The following SEPTIN4 variants were observed in gnomAD, a reference collection of about 807,000 sequenced individuals.
The protein encoded by SEPTIN4 is septin-4.
SEPTIN4 carries 52 observed loss-of-function variants against 107.1 expected under a neutral mutation model. That is an observed-to-expected ratio of 0.49 (90% CI 0.39 to 0.61). The LOEUF (loss-of-function observed/expected upper bound fraction) is 0.61. Ranked by LOEUF, SEPTIN4 falls within the 20% of genes least tolerant of loss-of-function variation. The pLI is 0.00. For synonymous variants in SEPTIN4, 417 were observed against 467.0 expected (o/e 0.89, Z 1.38); for missense variants, 1,048 against 1,243.5 (o/e 0.84, Z 2.36).
Position 58,521,491 on chromosome 17 carries a change from T to C in SEPTIN4, c.2571+54A>G. 1 of 1,594,500 alleles carries C rather than the reference T, an allele frequency of 6.3e-7. No homozygotes were observed. Among genetic ancestry groups the C allele is most frequent in the Non-Finnish European group, 8.6e-7 (1 of 1,162,764 alleles). On this transcript the variant is annotated intron_variant, in intron 10 of 13. Transcript: ENST00000672673. This position sits in a 1 kb window ranked among gnomAD's most constrained non-coding sequence, Gnocchi z 6.4. ...AGCCTGAATATAGAATTCTACTCCC[T>C]TTTTCTACCCGGAAGAAATAAGATA...
At chr17:58,522,881 C>G (rs1215472294) in intron 7 of SEPTIN4, among the ~76,000 whole-genome samples, 1 of 152,100 alleles carries the variant, frequency 6.6e-6, no homozygotes, top group Non-Finnish European at 1.5e-5. Context: ...TATACCAATA[C>G]ACACTGCTCT....
At chr17:58,535,120 A>G (rs950220034) in intron 3 of SEPTIN4, among the ~76,000 whole-genome samples, 2 of 152,228 alleles carry the variant, frequency 1.3e-5, no homozygotes, top group African/African-American at 4.8e-5. Flanking sequence ...AACCTCAGCA[A>G]GTCTGTCCAA....
At chr17:58,540,490 T>C (rs763710315) in intron 3 of SEPTIN4, among the ~76,000 whole-genome samples, 176 bp downstream of exon 3, 10 of 152,158 alleles carry the variant, frequency 6.6e-5, no homozygotes, top group Non-Finnish European at 1.5e-4. Flanking sequence ...CAGGTTATAT[T>C]TCAGCCCCCC....
chr17:58,528,290 A>C (rs1425122318), intron 3 of SEPTIN4: 1 of 152,696 alleles, frequency 6.5e-6, no homozygotes, highest in Non-Finnish European at 1.5e-5. Context: ...AGGTTGAGAT[A>C]GGGAGGTTAG....
rs775758109 is a variant in SEPTIN4, at chr17:58,521,688, C to A, written c.2470-42G>T. The A allele has an allele frequency of 6.2e-7, 1 of 1,614,224 alleles. No individual in the cohort carries two copies. Among genetic ancestry groups the A allele is most frequent in the Non-Finnish European group, 8.5e-7 (1 of 1,180,044 alleles). On this transcript the variant is annotated intron_variant, in intron 9 of 13. Coordinates refer to ENST00000672673, the MANE Select transcript of SEPTIN4 (RefSeq NM_001368771.2). This position sits in a 1 kb window ranked among gnomAD's most constrained non-coding sequence, Gnocchi z 6.4. ...GGGCCCACAGTTCTGGGGACCACAT[C>A]CTTTCTAGAAGCCCACCTGATCCCC...
chr17:58,539,125 GA>G (rs746020894), intron 3 of SEPTIN4: 1 of 1,532,858 alleles, frequency 6.5e-7, no homozygotes, highest in East Asian at 2.4e-5. Context: ...CAGAGAGTCA[GA>G]GAAGACCAGC....
rs751906832 is a variant in SEPTIN4, at chr17:58,541,945, T to C, written c.1583A>G (p.Asn528Ser). The change falls in exon 2 of 14, where the codon AAT becomes AGT. Residue 528 changes from asparagine (N) to serine (S), a missense_variant. Physicochemically the swap from Asn to Ser is conservative, Grantham distance 46. Around this residue, in one of 2 missense-constraint regions of SEPTIN4, gnomAD observed 787 missense variants for 871.8 expected, o/e 0.90. Coordinates refer to ENST00000672673, the MANE Select transcript of SEPTIN4 (RefSeq NM_001368771.2). ...FFLDVSEEMYNRVIWWLKDEE... is the reference protein window; with the variant it reads ...FFLDVSEEMYSRVIWWLKDEE... ...ACCTTTTAGCCACCAGATGACACGA[T>C]TGTACATTTCCTCAGAGACATCTGA... 26 of 1,613,924 alleles carry C rather than the reference T, an allele frequency of 1.6e-5. No individual in the cohort carries two copies. The Admixed American group carries it at 1.7e-4, about 10-fold the overall frequency.
chr17:58,522,134 G>A (rs1451249389), intron 7 of SEPTIN4, 33 bp from the exon 8 acceptor site: 1 of 1,612,784 alleles, frequency 6.2e-7, no homozygotes. Flanking sequence ...GAGAAACTGT[G>A]AGAGTGGGAG....
At chr17:58,524,817 C>T in intron 7 of SEPTIN4, 1 of 357,224 alleles carries the variant, frequency 2.8e-6, no homozygotes, top group Non-Finnish European at 5.2e-6. Context: ...ATACTTCCGC[C>T]TCAGCCTCTT....
chr17:58,528,859 C>G (rs533039057), intron 3 of SEPTIN4, among the ~76,000 whole-genome samples: 32 of 152,260 alleles, frequency 2.1e-4, no homozygotes, highest in African/African-American at 7.7e-4. Context: ...TCCCTAGCCC[C>G]CATGATCTTC....
At chr17:58,533,611 AAAGGG>A (rs2043605517) in intron 3 of SEPTIN4, among the ~76,000 whole-genome samples, 2 of 152,128 alleles carry the variant, frequency 1.3e-5, no homozygotes, top group South Asian at 4.1e-4. Context: ...GGGTTCCCTG[AAAGGG>A]AACCTCTAAA....
At chr17:58,522,146 C>T (rs199697090) in intron 7 of SEPTIN4, 45 bp from the exon 8 acceptor site, 3 of 1,610,696 alleles carry the variant, frequency 1.9e-6, no homozygotes, top group Admixed American at 1.7e-5. Context: ...GAGTGGGAGC[C>T]ACCTAGTGAG....
Position 58,532,123 on chromosome 17 carries a change from C to T in SEPTIN4, c.1615-5145G>A, listed in dbSNP as rs2043527631. On this transcript the variant is annotated intron_variant, in intron 3 of 13. Transcript: ENST00000672673. ...CGGCGGGGGCGGAGCGAGTCGGCCC[C>T]GGGGCGGGGCCTGTACCTCAGCTGC... is the stretch of plus-strand genomic sequence containing the variant. 2.1e-5 allele frequency: 22 copies of T among 1,047,832 alleles called. No individual in the cohort carries two copies. In the South Asian group the frequency reaches 8.7e-4, roughly 41 times the overall value. 64.9% of individuals were successfully genotyped at this position (1,047,832 alleles called of 1,614,324 possible).
intron 2 of SEPTIN4, chr17:58,541,683 A>G: frequency 1.7e-6 from 2 of 1,200,026 alleles, no homozygotes; most frequent in South Asian, 1.5e-5. Context: ...TCTCCATTCC[A>G]GAAGTAACTT....
chr17:58,527,391 T>C, intron 3 of SEPTIN4: 1 of 363,580 alleles, frequency 2.8e-6, no homozygotes, highest in East Asian at 7.2e-5. Context: ...GACAGAGGCA[T>C]TAAACCCAAA....
chr17:58,528,965 T>G, intron 3 of SEPTIN4: 1 of 873,446 alleles, frequency 1.1e-6, no homozygotes. Context: ...AGACAAGGAG[T>G]CAGGACACCA....
rs1184634520 is a variant in SEPTIN4 at position 58,521,369 on chromosome 17, G to A, written c.2572-19C>T. On this transcript the variant is annotated intron_variant, in intron 10 of 13. Coordinates refer to ENST00000672673, the MANE Select transcript of SEPTIN4 (RefSeq NM_001368771.2). This position sits in a 1 kb window ranked among gnomAD's most constrained non-coding sequence, Gnocchi z 6.4. ...TGCTTTCCTGGAAGAGGTTAGGGGT[G>A]CCTGTCAGCACCCTCTGTTCTCACC... 6.2e-7 allele frequency: 1 copy of A among 1,609,472 alleles called. No individual in the cohort carries two copies. Among genetic ancestry groups the A allele is most frequent in the East Asian group, 2.2e-5 (1 of 44,860 alleles).
rs1440407500 is a variant in SEPTIN4 at position 58,526,722 on chromosome 17, C to T, written c.1871G>A (p.Arg624His). 1.1e-5 allele frequency: 17 copies of T among 1,604,748 alleles called. No homozygotes were observed. The highest frequency in any genetic ancestry group is 1.7e-4 in the Middle Eastern group (1 of 6,008). The change falls in exon 4 of 14, where the codon CGC becomes CAC. Residue 624 changes from arginine to histidine, a missense_variant. Around this residue, in one of 2 missense-constraint regions of SEPTIN4, gnomAD observed 787 missense variants for 871.8 expected, o/e 0.90. Coordinates refer to ENST00000672673, the MANE Select transcript of SEPTIN4 (RefSeq NM_001368771.2). ...PAPLSPSARP[R>H]SPWGKLDPYD... ...GGGATCAAGCTTGCCCCATGGGCTG[C>T]GGGGCCTGGCAGATGGGCTGAGAGG... is the stretch of plus-strand genomic sequence containing the variant.
intron 3 of SEPTIN4, chr17:58,529,269 CTGT>C (rs895118138): frequency 2.5e-6 from 4 of 1,604,698 alleles, no homozygotes; most frequent in East Asian, 2.2e-5. Context: ...TGTTTTGATG[CTGT>C]TGTTGTCTGG....
Sources: gnomAD v4.1 joint callset for allele counts (sites outside exome capture counted in the v4.1 genomes callset) on GRCh38, gnomAD v4.1.1 for gene constraint, gnomAD v4.1.1 regional missense constraint, Gnocchi (gnomAD v3.1) non-coding constraint, MANE v1.5 for transcripts, NCBI Gene and HGNC (gene_info 2026-07-23, HGNC 2026-07-21) for gene names.